Variants in TAFA1 observed in about 807,000 individuals in gnomAD.
TAFA1 encodes the protein TAFA chemokine like family member 1.
In TAFA1, 4 loss-of-function variants were observed where a neutral mutation model predicts 18.5. The ratio of observed to expected loss-of-function variants is 0.22; its 90% CI spans 0.11 to 0.49. TAFA1 has a LOEUF of 0.49. TAFA1 is among the 20% of genes least tolerant of loss of function. The pLI is 0.98. For missense variants in TAFA1, 147 were observed against 169.0 expected, an observed-to-expected ratio of 0.87 and a Z score of 0.72; for synonymous variants, 56 against 55.2, an observed-to-expected ratio of 1.01 and a Z score of -0.06.
At chr3:68,044,410 G>C (rs1705226755) in intron 2 of TAFA1, among the ~76,000 whole-genome samples, 1 of 151,982 alleles carries the variant, frequency 6.6e-6, no homozygotes, top group South Asian at 2.1e-4. Flanking sequence ...CCATTTTTAT[G>C]GCTCTTTGTT....
rs370324994 is a variant in TAFA1 at position 68,383,471 on chromosome 3, G to A, written c.119-33809G>A. Among the ~76,000 whole-genome samples, 44 of 152,170 alleles carry A rather than the reference G, an allele frequency of 2.9e-4. No individual in the cohort carries two copies. In the East Asian group the frequency reaches 3.5e-3, roughly 12 times the overall value. On this transcript the variant is annotated intron_variant, in intron 2 of 4. Coordinates refer to ENST00000478136, the MANE Select transcript of TAFA1 (RefSeq NM_213609.4). ...TTTTTGTCTTTTGTTTTGTTTATGC[G>A]ATGAATCACATTTATTTTTTTGTGT...
chr3:68,278,442 C>A (rs1450062272), intron 2 of TAFA1, among the ~76,000 whole-genome samples: 1 of 152,118 alleles, frequency 6.6e-6, no homozygotes, highest in Non-Finnish European at 1.5e-5. Context: ...ATTTTTGCTA[C>A]CATCCCTTTT....
chr3:67,996,045 C>T, the TAFA1 span, among the ~76,000 whole-genome samples: 1 of 152,156 alleles, frequency 6.6e-6, no homozygotes, highest in African/African-American at 2.4e-5. Context: ...ATAAATAAAA[C>T]AGGAGCTTAT....
At chr3:68,187,535 GCA>G (rs2066286293) in intron 2 of TAFA1, among the ~76,000 whole-genome samples, 1 of 151,968 alleles carries the variant, frequency 6.6e-6, no homozygotes, top group Admixed American at 6.6e-5. Context: ...GCTCATCTTT[GCA>G]CAGTATGATT....
chr3:68,016,681 T>C (rs1409369656), intron 2 of TAFA1, among the ~76,000 whole-genome samples: 1 of 152,184 alleles, frequency 6.6e-6, no homozygotes, highest in Non-Finnish European at 1.5e-5. Flanking sequence ...TCTCAGAACA[T>C]ATCCCTGTTG....
chr3:68,398,313 A>C (rs921042762), intron 2 of TAFA1, among the ~76,000 whole-genome samples: 6 of 152,206 alleles, frequency 3.9e-5, no homozygotes, highest in African/African-American at 1.4e-4. Context: ...AAAAACAAGC[A>C]ATGGGGAAAG....
intron 2 of TAFA1, among the ~76,000 whole-genome samples, chr3:68,273,089 A>G (rs1301066892): frequency 6.6e-6 from 1 of 152,152 alleles, no homozygotes; most frequent in Admixed American, 6.6e-5. Flanking sequence ...TATGAAAAAA[A>G]GAAAGCAAGC....
At chr3:68,374,982 G>T (rs2069781008) in intron 2 of TAFA1, among the ~76,000 whole-genome samples, 1 of 151,878 alleles carries the variant, frequency 6.6e-6, no homozygotes, top group African/African-American at 2.4e-5. Flanking sequence ...TCTCGGTGAT[G>T]GCTTCGTCAA....
chr3:68,083,918 T>G (rs1419193292), intron 2 of TAFA1, among the ~76,000 whole-genome samples: 1 of 152,240 alleles, frequency 6.6e-6, no homozygotes. Flanking sequence ...GAACCTCTTT[T>G]TTCTTTGCAT....
chr3:68,267,162 CTTG>C (rs1420636720), intron 2 of TAFA1, among the ~76,000 whole-genome samples: 4 of 152,182 alleles, frequency 2.6e-5, no homozygotes, highest in Non-Finnish European at 5.9e-5. Context: ...ACAGATAAGA[CTTG>C]TTGTGTTAAT....
intron 2 of TAFA1, among the ~76,000 whole-genome samples, chr3:68,388,451 G>A (rs937039096): frequency 6.6e-6 from 1 of 151,960 alleles, no homozygotes; most frequent in African/African-American, 2.4e-5. Context: ...ATTGCTCTAA[G>A]CCTATTTTCA....
chr3:68,268,599 A>G (rs1205028072), intron 2 of TAFA1, among the ~76,000 whole-genome samples: 1 of 152,158 alleles, frequency 6.6e-6, no homozygotes, highest in Non-Finnish European at 1.5e-5. Context: ...AAAAGAATGG[A>G]TGAATAGTGG....
intron 2 of TAFA1, among the ~76,000 whole-genome samples, chr3:68,365,381 A>T (rs1357286560): frequency 2.0e-5 from 3 of 152,220 alleles, no homozygotes; most frequent in Non-Finnish European, 2.9e-5. Context: ...CCTGAAAGTT[A>T]CATGTGACTT....
intron 2 of TAFA1, among the ~76,000 whole-genome samples, chr3:68,170,955 G>C (rs1377613152): frequency 6.6e-6 from 1 of 152,026 alleles, no homozygotes; most frequent in South Asian, 2.1e-4. Flanking sequence ...AGCAGCAACA[G>C]CCAAAACAAG....
At position 68,183,775 on chromosome 3, in the gene TAFA1, G is replaced by T. The variant is rs1315686518; in HGVS notation, c.118+177031G>T. ...TTTGCTCCTAAGCACATTCTATTTA[G>T]ATCAGAGTCAGTTCTATAGTTCTCA... On this transcript the variant is annotated intron_variant, in intron 2 of 4. Transcript: ENST00000478136. 2.6e-5 allele frequency among the ~76,000 whole-genome samples: 4 copies of T among 152,122 alleles called. No homozygotes were observed. The East Asian group carries it at 7.7e-4, about 29-fold the overall frequency.
rs190792991 is a variant in TAFA1, at chr3:68,057,886, A to G, written c.118+51142A>G. On this transcript the variant is annotated intron_variant, in intron 2 of 4. Transcript: ENST00000478136. ...GTGGCTTCTAGAAGCTAGAGAAGGC[A>G]AACAATGGATTCTCCCCTAGAACCT... is the stretch of plus-strand genomic sequence containing the variant. Among the ~76,000 whole-genome samples the G allele has an allele frequency of 1.6e-3, 247 of 152,286 alleles. 1 individual carries two copies. Among genetic ancestry groups the G allele is most frequent in the Non-Finnish European group, 2.5e-3 (167 of 68,016 alleles).
At chr3:68,265,049 C>A (rs1405925543) in intron 2 of TAFA1, among the ~76,000 whole-genome samples, 1 of 152,088 alleles carries the variant, frequency 6.6e-6, no homozygotes, top group Non-Finnish European at 1.5e-5. Flanking sequence ...AATTTAAAAA[C>A]TCATATACAA....
At chr3:68,074,238 T>G (rs554565415) in intron 2 of TAFA1, among the ~76,000 whole-genome samples, 13 of 152,186 alleles carry the variant, frequency 8.5e-5, no homozygotes, top group African/African-American at 3.1e-4. Flanking sequence ...TTAATGCGAG[T>G]GACAGGGAGC....
At chr3:68,213,448 C>A (rs1353617912) in intron 2 of TAFA1, among the ~76,000 whole-genome samples, 1 of 152,012 alleles carries the variant, frequency 6.6e-6, no homozygotes. Flanking sequence ...TCTGGCTTGG[C>A]TGTATGTAGT....
Sources: gnomAD v4.1 joint callset for allele counts (sites outside exome capture counted in the v4.1 genomes callset) on GRCh38, gnomAD v4.1.1 for gene constraint, MANE v1.5 for transcripts, NCBI Gene and HGNC (gene_info 2026-07-23, HGNC 2026-07-21) for gene names.